The following CABCOCO1 variants were observed in gnomAD, a reference collection of about 807,000 sequenced individuals.
The protein encoded by CABCOCO1 is ciliary-associated calcium-binding coiled-coil protein 1.
A neutral mutation model predicts 35.7 loss-of-function variants in CABCOCO1; 28 were observed. That is an observed-to-expected ratio of 0.78 (90% CI 0.58 to 1.07). The LOEUF (loss-of-function observed/expected upper bound fraction) is 1.07. CABCOCO1 is among the 50% of genes least tolerant of loss of function. The probability of loss-of-function intolerance (pLI) is 0.00; values close to 1 mark genes in which losing one functional copy is unlikely to be tolerated. For missense variants in CABCOCO1, 326 were observed against 309.2 expected (o/e 1.05, Z -0.41); for synonymous variants, 95 against 100.1 (o/e 0.95, Z 0.30).
At chr10:61,698,672 C>T (rs1239023625) in intron 5 of CABCOCO1, among the ~76,000 whole-genome samples, 1 of 152,028 alleles carries the variant, frequency 6.6e-6, no homozygotes. Flanking sequence ...ACACTTTTTC[C>T]TTCCTTATTT....
chr10:61,728,687 G>C (rs535760897), intron 5 of CABCOCO1, among the ~76,000 whole-genome samples: 75 of 152,148 alleles, frequency 4.9e-4, no homozygotes, highest in African/African-American at 1.8e-3. Flanking sequence ...CAGAAATTTT[G>C]ACCAAGCTAA....
intron 1 of CABCOCO1, among the ~76,000 whole-genome samples, chr10:61,666,707 T>G (rs1219448151): frequency 6.6e-6 from 1 of 151,932 alleles, no homozygotes; most frequent in Non-Finnish European, 1.5e-5. Flanking sequence ...TTTTTTATAT[T>G]TGAAATGAGG....
At position 61,686,141 on chromosome 10, in the gene CABCOCO1, T is replaced by A; in HGVS notation, c.435T>A (p.Phe145Leu). The stretch of plus-strand genomic sequence containing the variant: ...AAAAGAGTGAGGACTGGAATATCTT[T>A]GATGTAAAACAAGCCAATGCTATCA... ...HSQKSEDWNI[F>L]DVKQANAIID... Residue 145 changes from phenylalanine to leucine, a missense_variant, in exon 4 of 8, where the codon TTT becomes TTA. Phe to Leu is a conservative substitution (Grantham distance 22). Coordinates refer to ENST00000648843, the MANE Select transcript of CABCOCO1 (RefSeq NM_001366906.2). 1 of 1,598,332 alleles carries A rather than the reference T, an allele frequency of 6.3e-7. No homozygotes were observed. The highest frequency in any genetic ancestry group is 8.5e-7 in the Non-Finnish European group (1 of 1,175,782).
intron 1 of CABCOCO1, among the ~76,000 whole-genome samples, chr10:61,671,937 A>G (rs1292516524): frequency 6.6e-6 from 1 of 152,224 alleles, no homozygotes; most frequent in Non-Finnish European, 1.5e-5. Flanking sequence ...CTCAGTACAT[A>G]TTTGTTGAAT....
chr10:61,758,435 G>A (rs74812506), intron 5 of CABCOCO1, among the ~76,000 whole-genome samples: 18,505 of 151,998 alleles, frequency 0.12, 1,525 homozygotes, highest in African/African-American at 0.21. Context: ...GCCCCATTTA[G>A]GAAAAATGCA....
At chr10:61,729,354 T>C (rs1355710490) in intron 5 of CABCOCO1, among the ~76,000 whole-genome samples, 1 of 151,896 alleles carries the variant, frequency 6.6e-6, no homozygotes, top group African/African-American at 2.4e-5. Context: ...CCAACAGGTA[T>C]ATGGGAAAAA....
intron 5 of CABCOCO1, among the ~76,000 whole-genome samples, chr10:61,725,259 G>A (rs571918153): frequency 6.6e-6 from 1 of 152,096 alleles, no homozygotes; most frequent in African/African-American, 2.4e-5. Flanking sequence ...CCATTACTGG[G>A]TACATACCCA....
In CABCOCO1 at chr10:61,713,679, C is replaced by G. The variant is rs192539667; in HGVS notation, c.552+23058C>G. ...AAATAGCTCTTATTATTTTGAGATACGTTCCATCAATACCTAGTTTATTGA... is the reference window on the plus strand; with the variant it reads ...AAATAGCTCTTATTATTTTGAGATAGGTTCCATCAATACCTAGTTTATTGA... On this transcript the variant is annotated intron_variant, in intron 5 of 7. Transcript: ENST00000648843. 1.1e-3 allele frequency among the ~76,000 whole-genome samples: 174 copies of G among 152,170 alleles called. 2 individuals are homozygous for G. The highest frequency in any genetic ancestry group is 9.5e-3 in the Admixed American group (145 of 15,268).
At chr10:61,689,643 A>T (rs979524885) in intron 4 of CABCOCO1, among the ~76,000 whole-genome samples, 3 of 152,196 alleles carry the variant, frequency 2.0e-5, no homozygotes, top group Admixed American at 1.3e-4. Context: ...TTTCTCAGTT[A>T]TATTAAAATC....
intron 5 of CABCOCO1, among the ~76,000 whole-genome samples, chr10:61,714,492 T>A (rs928551520): frequency 2.0e-4 from 31 of 152,202 alleles, no homozygotes; most frequent in Non-Finnish European, 3.1e-4. Context: ...TTGAAGGGTT[T>A]TTTTGTGTCT....
chr10:61,736,064 T>C (rs1564551247), intron 5 of CABCOCO1, among the ~76,000 whole-genome samples: 1 of 152,184 alleles, frequency 6.6e-6, no homozygotes, highest in Non-Finnish European at 1.5e-5. Context: ...TATTAGACAT[T>C]TGTCAGATGC....
At chr10:61,703,368 T>C (rs1840511142) in intron 5 of CABCOCO1, among the ~76,000 whole-genome samples, 1 of 151,946 alleles carries the variant, frequency 6.6e-6, no homozygotes, top group Admixed American at 6.6e-5. Flanking sequence ...TAAGGGACTT[T>C]CATATAAAAA....
intron 1 of CABCOCO1, among the ~76,000 whole-genome samples, chr10:61,664,701 G>A (rs10994864): frequency 0.51 from 77,277 of 152,060 alleles, 22,675 homozygotes; most frequent in Middle Eastern, 0.7. Flanking sequence ...CTGCTTGGTG[G>A]AAACTCCATT....
At chr10:61,687,551 C>T (rs928108961) in intron 4 of CABCOCO1, among the ~76,000 whole-genome samples, 1 of 152,162 alleles carries the variant, frequency 6.6e-6, no homozygotes, top group African/African-American at 2.4e-5. Context: ...CCACAAAACC[C>T]ATGCAGGTGC....
chr10:61,756,210 G>A (rs191436225), intron 5 of CABCOCO1, among the ~76,000 whole-genome samples: 24 of 151,920 alleles, frequency 1.6e-4, no homozygotes, highest in Admixed American at 2.6e-4. Context: ...TTTAAATACC[G>A]TAGCACAAGT....
At chr10:61,735,735 G>A (rs891542689) in intron 5 of CABCOCO1, among the ~76,000 whole-genome samples, 1 of 152,132 alleles carries the variant, frequency 6.6e-6, no homozygotes, top group African/African-American at 2.4e-5. Flanking sequence ...ATGTAACCAA[G>A]TCAGATGAGT....
At chr10:61,687,818 A>AGGG (rs1840012506) in intron 4 of CABCOCO1, among the ~76,000 whole-genome samples, 2 of 152,194 alleles carry the variant, frequency 1.3e-5, no homozygotes, top group Admixed American at 1.3e-4. Context: ...AATCACAGCA[A>AGGG]TTGTTGATGC....
intron 5 of CABCOCO1, among the ~76,000 whole-genome samples, chr10:61,728,631 T>A (rs562427455): frequency 8.5e-4 from 130 of 152,336 alleles, no homozygotes; most frequent in Non-Finnish European, 1.7e-3. Context: ...TTTGTTTCAA[T>A]TAATATTAAA....
chr10:61,720,168 G>T (rs1175156704), intron 5 of CABCOCO1, among the ~76,000 whole-genome samples: 2 of 151,958 alleles, frequency 1.3e-5, no homozygotes, highest in Non-Finnish European at 1.5e-5. Context: ...AAAAGAAAAA[G>T]ATGAAGAATG....
Sources: allele counts gnomAD v4.1 joint callset (sites outside exome capture counted in the v4.1 genomes callset), GRCh38; gene constraint gnomAD v4.1.1; transcripts MANE v1.5; gene names NCBI Gene and HGNC (gene_info 2026-07-23, HGNC 2026-07-21).